The following JAM2 variants were observed in gnomAD, a reference collection of about 807,000 sequenced individuals.
JAM2 encodes junctional adhesion molecule B.
JAM2 carries 17 observed loss-of-function variants against 42.0 expected under a neutral mutation model. The observed-to-expected ratio is 0.40, with a 90% confidence interval of 0.28 to 0.61. JAM2 has a LOEUF of 0.61. Ranked by LOEUF, JAM2 falls within the 20% of genes least tolerant of loss-of-function variation. JAM2 has a pLI of 0.37. For synonymous variants in JAM2, 118 were observed against 128.6 expected, an observed-to-expected ratio of 0.92 and a Z score of 0.56; for missense variants, 319 against 358.3, an observed-to-expected ratio of 0.89 and a Z score of 0.89.
chr21:25,651,670 G>C (rs2032785569), intron 1 of JAM2, among the ~76,000 whole-genome samples: 1 of 152,168 alleles, frequency 6.6e-6, no homozygotes, highest in Admixed American at 6.5e-5. Flanking sequence ...TTTATGCATG[G>C]TGTTATTTCT....
chr21:25,716,534 C>T lies in JAM2; in HGVS notation c.*1862C>T, dbSNP rs1015906123. On this transcript the variant is annotated 3_prime_UTR_variant, in exon 10 of 10. Transcript: ENST00000480456. Reference sequence around the variant, plus strand: ...TCTGCCCCCAAAATAAAATTTTCACCACGAGTCAGGGATCGGCAAACATTT... The same window carrying T: ...TCTGCCCCCAAAATAAAATTTTCACTACGAGTCAGGGATCGGCAAACATTT... 5.4e-5 allele frequency: 8 copies of T among 148,810 alleles called. No individual in the cohort carries two copies. Among genetic ancestry groups the T allele is most frequent in the South Asian group, 4.2e-4 (2 of 4,818 alleles). The allele number at this position is 148,810 out of a possible 1,614,324, so 9.2% of individuals were successfully genotyped here. A position where few individuals can be genotyped will look rare whatever the true frequency, so the allele number is the denominator to read the frequency against.
In JAM2 at chr21:25,710,578, G is replaced by A. The variant is rs562306648; in HGVS notation, c.821+1129G>A. Reference sequence around the variant, plus strand: ...TTGTGCAAATAACCATGAGAAGAGCGTTCAGGCAGAGGGGAGAGAGCAAAT... The same window carrying A: ...TTGTGCAAATAACCATGAGAAGAGCATTCAGGCAGAGGGGAGAGAGCAAAT... On this transcript the variant is annotated intron_variant, in intron 8 of 9. Coordinates refer to ENST00000480456, the MANE Select transcript of JAM2 (RefSeq NM_021219.4). Among the ~76,000 whole-genome samples, 11 of 152,324 alleles carry A rather than the reference G, an allele frequency of 7.2e-5. No homozygotes were observed. The South Asian group carries it at 8.3e-4, about 11-fold the overall frequency.
rs534465640 is a variant in JAM2 at position 25,700,792 on chromosome 21, T to C, written c.598-1378T>C. ...TAAAGTGGCTGAATAATAAAGCCTATTGGATGCAGTTACTTCTTAAGCTCT... is the reference window on the plus strand; with the variant it reads ...TAAAGTGGCTGAATAATAAAGCCTACTGGATGCAGTTACTTCTTAAGCTCT... On this transcript the variant is annotated intron_variant, in intron 5 of 9. Transcript: ENST00000480456. Among the ~76,000 whole-genome samples the C allele has an allele frequency of 2.6e-5, 4 of 152,372 alleles. No individual in the cohort carries two copies. In the East Asian group the frequency reaches 5.8e-4, roughly 22 times the overall value.
chr21:25,664,493 C>G (rs978091151), intron 1 of JAM2, among the ~76,000 whole-genome samples: 2 of 152,200 alleles, frequency 1.3e-5, no homozygotes, highest in East Asian at 1.9e-4. Flanking sequence ...CTCGGCCTCC[C>G]AAAGTGCTGG....
chr21:25,692,682 T>A (rs74723120), intron 3 of JAM2: 1 of 152,254 alleles, frequency 6.6e-6, no homozygotes, highest in Admixed American at 6.5e-5. Flanking sequence ...ATTCACCTTG[T>A]ATAACTACTG....
chr21:25,701,083 C>T (rs2034155109), intron 5 of JAM2, among the ~76,000 whole-genome samples: 1 of 152,198 alleles, frequency 6.6e-6, no homozygotes, highest in African/African-American at 2.4e-5. Context: ...AAATGAACAA[C>T]AAAGACTCCA....
rs117080943 is a variant in JAM2 at position 25,641,141 on chromosome 21, A to G, written c.67+1253A>G. On this transcript the variant is annotated intron_variant, in intron 1 of 9. Transcript: ENST00000480456. ...GTGCAATTCTGAAATATCAATTGGT[A>G]TCATATGGAACACACAGAAGAAAAA... Among the ~76,000 whole-genome samples the G allele has an allele frequency of 3.7e-4, 56 of 152,340 alleles. No homozygotes were observed. The East Asian group carries it at 0.01, about 28-fold the overall frequency.
intron 1 of JAM2, among the ~76,000 whole-genome samples, chr21:25,664,752 T>C (rs970875609): frequency 6.6e-6 from 1 of 152,226 alleles, no homozygotes; most frequent in South Asian, 2.1e-4. Flanking sequence ...CTCTAAATTA[T>C]ATTCCTCCCT....
chr21:25,676,310 G>GA (rs57407708), intron 1 of JAM2, among the ~76,000 whole-genome samples: 27,421 of 120,964 alleles, frequency 0.23, 2,887 homozygotes, highest in South Asian at 0.34. Context: ...AAAAGAAAAA[G>GA]AAAAAAAAAA....
At chr21:25,655,350 ATTTT>A (rs751257378) in intron 1 of JAM2, among the ~76,000 whole-genome samples, 13 of 100,202 alleles carry the variant, frequency 1.3e-4, no homozygotes, top group East Asian at 5.7e-4. Flanking sequence ...CTGAAATTCT[ATTTT>A]TTTTTTTTTT....
At chr21:25,642,349 G>T (rs1435014330) in intron 1 of JAM2, among the ~76,000 whole-genome samples, 2 of 151,802 alleles carry the variant, frequency 1.3e-5, no homozygotes, top group Non-Finnish European at 2.9e-5. Flanking sequence ...TATCAGTATG[G>T]GCTCATAAAT....
Position 25,659,204 on chromosome 21 carries a change from C to G in JAM2, c.67+19316C>G, listed in dbSNP as rs1183368413. 2.7e-5 allele frequency among the ~76,000 whole-genome samples: 4 copies of G among 150,488 alleles called. No homozygotes were observed. In the East Asian group the frequency reaches 7.7e-4, roughly 29 times the overall value. The stretch of plus-strand genomic sequence containing the variant: ...CAATTTAGTCATCCTAACAACATCA[C>G]AGCAGATCATTTAAAATGAAAATAG... On this transcript the variant is annotated intron_variant, in intron 1 of 9. Coordinates refer to ENST00000480456, the MANE Select transcript of JAM2 (RefSeq NM_021219.4).
At chr21:25,692,006 C>A (rs1244065905) in intron 3 of JAM2, among the ~76,000 whole-genome samples, 17 of 140,534 alleles carry the variant, frequency 1.2e-4, no homozygotes, top group South Asian at 2.3e-4. Context: ...AAGACTGTCT[C>A]AAAAAAAAAA....
chr21:25,690,468 C>G (rs1443629176), intron 3 of JAM2, among the ~76,000 whole-genome samples: 1 of 152,092 alleles, frequency 6.6e-6, no homozygotes, highest in Non-Finnish European at 1.5e-5. Flanking sequence ...GGTGGGACTA[C>G]AGGTGCACAC....
At chr21:25,678,551 G>A (rs1243042564) in intron 1 of JAM2, among the ~76,000 whole-genome samples, 1 of 152,216 alleles carries the variant, frequency 6.6e-6, no homozygotes, top group East Asian at 1.9e-4. Context: ...ACAAGCAAAA[G>A]AGTTCTTTTG....
intron 2 of JAM2, among the ~76,000 whole-genome samples, chr21:25,687,119 T>C (rs2033768221): frequency 1.3e-5 from 2 of 152,198 alleles, no homozygotes; most frequent in African/African-American, 4.8e-5. Flanking sequence ...TTTGTGATGG[T>C]ATAAAGTATA....
At chr21:25,708,759 C>A (rs894944815) in intron 7 of JAM2, among the ~76,000 whole-genome samples, 4 of 151,896 alleles carry the variant, frequency 2.6e-5, no homozygotes, top group Non-Finnish European at 5.9e-5. Context: ...TAATACTGGT[C>A]TGAGTTTTTT....
At chr21:25,705,357 A>G (rs1326012069) in intron 6 of JAM2, among the ~76,000 whole-genome samples, 1 of 152,176 alleles carries the variant, frequency 6.6e-6, no homozygotes, top group Non-Finnish European at 1.5e-5. Flanking sequence ...CAGCCTCCTG[A>G]GTAGCTGGGA....
chr21:25,662,276 T>C (rs2033109105), intron 1 of JAM2, among the ~76,000 whole-genome samples: 3 of 151,728 alleles, frequency 2.0e-5, no homozygotes, highest in Admixed American at 1.3e-4. Flanking sequence ...GCCTCCCGAG[T>C]AGCTGAGACT....
Sources: gnomAD v4.1 joint callset for allele counts (sites outside exome capture counted in the v4.1 genomes callset) on GRCh38, gnomAD v4.1.1 for gene constraint, MANE v1.5 for transcripts, NCBI Gene and HGNC (gene_info 2026-07-23, HGNC 2026-07-21) for gene names.